Variants in PCDHGB3 observed in about 807,000 individuals in gnomAD.
The protein encoded by PCDHGB3 is protocadherin gamma-B3.
PCDHGB3 carries 40 observed loss-of-function variants against 59.2 expected under a neutral mutation model. That is an observed-to-expected ratio of 0.68 (90% CI 0.52 to 0.88). The LOEUF (loss-of-function observed/expected upper bound fraction) is 0.88, where lower values mean the gene tolerates loss of function less well. Among genes scored for constraint, PCDHGB3 ranks in the 40% least tolerant of loss-of-function variants. The pLI, the probability that PCDHGB3 is intolerant of heterozygous loss-of-function variation, is 0.00. For synonymous variants in PCDHGB3, 581 were observed against 503.6 expected (o/e 1.15, Z -2.06); for missense variants, 1,309 against 1,187.9 (o/e 1.10, Z -1.50).
At position 141,491,423 on chromosome 5, in the gene PCDHGB3, G is replaced by C; in HGVS notation, c.2416-3384G>C. On this transcript the variant is annotated intron_variant, in intron 1 of 3. Transcript: ENST00000576222. The surrounding 1 kb of genome is among the most constrained non-coding windows in gnomAD (Gnocchi z 6.9). ...AACGCAGACGGGGACGGGGGTGGAG[G>C]GCAGTGCTGCAGGCGCCAGGACTCA... 1 of 1,614,126 alleles carries C rather than the reference G, an allele frequency of 6.2e-7. No individual in the cohort carries two copies. Among genetic ancestry groups the C allele is most frequent in the South Asian group, 1.1e-5 (1 of 91,090 alleles).
intron 1 of PCDHGB3, among the ~76,000 whole-genome samples, chr5:141,467,571 A>T (rs1228156610): frequency 6.6e-6 from 1 of 152,212 alleles, no homozygotes; most frequent in African/African-American, 2.4e-5. Context: ...ATGGCTATCC[A>T]GTTGTCCCAA....
At chr5:141,478,506 ATAGGCAGGTGTTGGG>A in intron 1 of PCDHGB3, 1 of 1,612,314 alleles carries the variant, frequency 6.2e-7, no homozygotes, top group Non-Finnish European at 8.5e-7. Context: ...CCGGTGTTCT[ATAGGCAGGTGTTGGG>A]TGCAGAGAGC....
intron 1 of PCDHGB3, chr5:141,384,513 G>A: frequency 6.2e-7 from 1 of 1,614,200 alleles, no homozygotes; most frequent in Non-Finnish European, 8.5e-7. Context: ...ATGACAGCGG[G>A]GACCCGCCTC....
In PCDHGB3 at chr5:141,476,316, G is replaced by A. The variant is rs536532455; in HGVS notation, c.2416-18491G>A. On this transcript the variant is annotated intron_variant, in intron 1 of 3. Coordinates refer to ENST00000576222, the MANE Select transcript of PCDHGB3 (RefSeq NM_018924.5). This position sits in a 1 kb window ranked among gnomAD's most constrained non-coding sequence, Gnocchi z 7.6. ...GGTAGCCTCTCAGCCCGCAGGTTCC[G>A]GGTGGTGTCTGGAGCTAGCCGAAGA... is the stretch of plus-strand genomic sequence containing the variant. The A allele has an allele frequency of 6.2e-7, 1 of 1,614,176 alleles. No individual in the cohort carries two copies. The highest frequency in any genetic ancestry group is 1.7e-5 in the Admixed American group (1 of 60,028).
chr5:141,372,381 A>G lies in PCDHGB3; in HGVS notation c.1987A>G (p.Ile663Val). The G allele has an allele frequency of 6.2e-7, 1 of 1,613,964 alleles. No homozygotes were observed. Among genetic ancestry groups the G allele is most frequent in the Admixed American group, 1.7e-5 (1 of 60,026 alleles). The change falls in exon 1 of 4, where the codon ATC (isoleucine) becomes GTC (valine). Residue 663 changes from isoleucine (I) to valine (V), a missense_variant. Transcript: ENST00000576222. ...TTCAGCCACCGTCATGCTGCACCTA[A>G]TCTTCGCAGATAGCTTGCAAGAGAT... Reference protein sequence around the residue: ...PLSATVMLHLIFADSLQEIQP... With the variant: ...PLSATVMLHLVFADSLQEIQP...
At chr5:141,423,470 A>C (rs904433654) in intron 1 of PCDHGB3, 54 of 1,613,884 alleles carry the variant, frequency 3.3e-5, no homozygotes, top group Non-Finnish European at 4.3e-5. Context: ...GACGGGGTAC[A>C]GGCTTTCCTG....
At chr5:141,424,198 C>A (rs116187844) in intron 1 of PCDHGB3, 2 of 181,904 alleles carry the variant, frequency 1.1e-5, no homozygotes, top group South Asian at 1.9e-4. Context: ...CACTTATACA[C>A]GTAAGCTTTT....
At chr5:141,427,410 G>GA (rs1197961039) in intron 1 of PCDHGB3, 3 of 463,834 alleles carry the variant, frequency 6.5e-6, no homozygotes, top group African/African-American at 2.0e-5. Flanking sequence ...AGATTCGAGA[G>GA]AAAATGGGGA....
chr5:141,392,242 G>A (rs1294476832), intron 1 of PCDHGB3: 1 of 152,134 alleles, frequency 6.6e-6, no homozygotes, highest in African/African-American at 2.4e-5. Context: ...TTAGTTATTT[G>A]TTAGTATATA....
At chr5:141,383,532 C>T (rs1249909520) in intron 1 of PCDHGB3, 4 of 1,612,320 alleles carry the variant, frequency 2.5e-6, no homozygotes, top group Non-Finnish European at 3.4e-6. Context: ...ACCACCTGGT[C>T]CTCACAGCCT....
rs754225999 is a variant in PCDHGB3, at chr5:141,489,509, T to C, written c.2416-5298T>C. The C allele has an allele frequency of 1.2e-6, 2 of 1,614,062 alleles. No homozygotes were observed. The highest frequency in any genetic ancestry group is 1.1e-5 in the South Asian group (1 of 91,074). On this transcript the variant is annotated intron_variant, in intron 1 of 3. Coordinates refer to ENST00000576222, the MANE Select transcript of PCDHGB3 (RefSeq NM_018924.5). The surrounding 1 kb of genome is among the most constrained non-coding windows in gnomAD (Gnocchi z 4.5). ...GGTGCCCTGGCAGTGAATCAAAAGA[T>C]TGACCGAGAAAGCCTATGTGGAGCC...
At position 141,486,891 on chromosome 5, in the gene PCDHGB3, G is replaced by A. The variant is rs201201426; in HGVS notation, c.2416-7916G>A. 38 of 1,614,118 alleles carry A rather than the reference G, an allele frequency of 2.4e-5. No individual in the cohort carries two copies. The highest frequency in any genetic ancestry group is 3.1e-5 in the Non-Finnish European group (37 of 1,180,064). Reference sequence around the variant, plus strand: ...GTGCTCCGTCCTCGGGCCCGGCCTGGTTCCTTATGTCCCCAAGCACTGCCT... The same window carrying A: ...GTGCTCCGTCCTCGGGCCCGGCCTGATTCCTTATGTCCCCAAGCACTGCCT... On this transcript the variant is annotated intron_variant, in intron 1 of 3. Coordinates refer to ENST00000576222, the MANE Select transcript of PCDHGB3 (RefSeq NM_018924.5). This position sits in a 1 kb window ranked among gnomAD's most constrained non-coding sequence, Gnocchi z 5.0.
chr5:141,509,115 G>C (rs1480955058), intron 3 of PCDHGB3, among the ~76,000 whole-genome samples: 1 of 152,186 alleles, frequency 6.6e-6, no homozygotes, highest in Non-Finnish European at 1.5e-5. Flanking sequence ...GAGCGCTGGT[G>C]CGTGAAGAGA....
rs752412467 is a variant in PCDHGB3 at position 141,405,390 on chromosome 5, TTTTC to T, written c.2415+32593_2415+32596del. On this transcript the variant is annotated intron_variant, in intron 1 of 3. Transcript: ENST00000576222. ...CCTTTGGTTCCGGTGAGTTCATTTTTTTTCTTTCTTTCTTTTCTTTTTTTGTTTT... is the reference window on the plus strand; with the variant it reads ...CCTTTGGTTCCGGTGAGTTCATTTTTTTTCTTTCTTTTCTTTTTTTGTTTT... 1.6e-5 allele frequency: 26 copies of T among 1,600,118 alleles called. No homozygotes were observed. The East Asian group carries it at 1.8e-4, about 11-fold the overall frequency.
intron 1 of PCDHGB3, chr5:141,394,313 C>T (rs2092972755): frequency 1.2e-6 from 2 of 1,614,022 alleles, no homozygotes; most frequent in East Asian, 2.2e-5. Flanking sequence ...AGGGGGCGCC[C>T]CTGTCCTCGT....
intron 1 of PCDHGB3, among the ~76,000 whole-genome samples, chr5:141,452,276 C>A (rs1160292593): frequency 2.6e-5 from 4 of 152,172 alleles, no homozygotes; most frequent in Admixed American, 6.5e-5. Flanking sequence ...TGAACCCTTT[C>A]TTACTTTCTG....
At chr5:141,433,848 A>AAC (rs1403081382) in intron 1 of PCDHGB3, among the ~76,000 whole-genome samples, 1 of 151,964 alleles carries the variant, frequency 6.6e-6, no homozygotes, top group South Asian at 2.1e-4. Context: ...AAAAAAAAAA[A>AAC]AAAAAAACTT....
In PCDHGB3 at chr5:141,485,842, T is replaced by C; in HGVS notation, c.2416-8965T>C. ...TCGATGGAGGGAACCCGCCGAGATC[T>C]GGCACCGCAGAGCTCCGGGTATCCG... On this transcript the variant is annotated intron_variant, in intron 1 of 3. Coordinates refer to ENST00000576222, the MANE Select transcript of PCDHGB3 (RefSeq NM_018924.5). This position sits in a 1 kb window ranked among gnomAD's most constrained non-coding sequence, Gnocchi z 5.7. 1 of 1,614,002 alleles carries C rather than the reference T, an allele frequency of 6.2e-7. No homozygotes were observed. Among genetic ancestry groups the C allele is most frequent in the Non-Finnish European group, 8.5e-7 (1 of 1,179,982 alleles).
intron 1 of PCDHGB3, chr5:141,418,184 G>A: frequency 6.2e-7 from 1 of 1,614,096 alleles, no homozygotes; most frequent in Non-Finnish European, 8.5e-7. Flanking sequence ...ATTGGAAGCT[G>A]TGGTGGAAAA....
Sources: gnomAD v4.1 joint callset for allele counts (sites outside exome capture counted in the v4.1 genomes callset) on GRCh38, gnomAD v4.1.1 for gene constraint, Gnocchi (gnomAD v3.1) non-coding constraint, MANE v1.5 for transcripts, NCBI Gene and HGNC (gene_info 2026-07-23, HGNC 2026-07-21) for gene names.